The following SLIT3 variants were observed in gnomAD, a reference collection of about 807,000 sequenced individuals.
The protein encoded by SLIT3 is slit guidance ligand 3.
A neutral mutation model predicts 184.0 loss-of-function variants in SLIT3; 68 were observed. The ratio of observed to expected loss-of-function variants is 0.37; its 90% confidence interval spans 0.30 to 0.45. The LOEUF (loss-of-function observed/expected upper bound fraction) is 0.45, where lower values mean the gene tolerates loss of function less well. SLIT3 is among the 20% of genes least tolerant of loss of function. The probability of loss-of-function intolerance (pLI) is 1.00; values close to 1 mark genes in which losing one functional copy is unlikely to be tolerated. For synonymous variants in SLIT3, 831 were observed against 828.6 expected, an observed-to-expected ratio of 1.00 and a Z score of -0.05; for missense variants, 1,707 against 2,026.0, an observed-to-expected ratio of 0.84 and a Z score of 3.02.
chr5:168,681,771 T>C (rs1335389672), intron 32 of SLIT3, among the ~76,000 whole-genome samples: 5 of 152,214 alleles, frequency 3.3e-5, no homozygotes, highest in South Asian at 4.1e-4. Flanking sequence ...CTGGGCTCTG[T>C]TTGGGAAGGC....
intron 5 of SLIT3, among the ~76,000 whole-genome samples, chr5:168,856,521 T>C (rs2074088797): frequency 6.6e-6 from 1 of 152,190 alleles, no homozygotes; most frequent in Non-Finnish European, 1.5e-5. Context: ...CCAGCTTGCT[T>C]TGGGGGTACT....
chr5:168,764,566 A>ATC (rs1581055532), intron 14 of SLIT3, among the ~76,000 whole-genome samples: 1 of 152,098 alleles, frequency 6.6e-6, no homozygotes, highest in East Asian at 1.9e-4. Context: ...AAGGACGCAG[A>ATC]TCTCTCCCAC....
At chr5:168,869,566 T>G (rs956298536) in intron 5 of SLIT3, among the ~76,000 whole-genome samples, 3 of 152,232 alleles carry the variant, frequency 2.0e-5, no homozygotes, top group African/African-American at 7.2e-5. Context: ...TTGGTGTACA[T>G]GTCGGCAGTG....
intron 33 of SLIT3, 129 bp downstream of exon 33, chr5:168,673,048 T>C: frequency 2.4e-6 from 2 of 841,520 alleles, no homozygotes; most frequent in Non-Finnish European, 3.9e-6. Flanking sequence ...ATTCACCTTT[T>C]AGAGATCAGC....
intron 4 of SLIT3, among the ~76,000 whole-genome samples, chr5:169,180,880 G>A (rs956884284): frequency 6.6e-6 from 1 of 152,184 alleles, no homozygotes; most frequent in Non-Finnish European, 1.5e-5. Context: ...TTGAGAACTG[G>A]TGGTTGGCAA....
intron 4 of SLIT3, among the ~76,000 whole-genome samples, chr5:168,955,202 T>C (rs12153398): frequency 0.038 from 5,864 of 152,312 alleles, 161 homozygotes; most frequent in Middle Eastern, 0.061. Flanking sequence ...TTGTCAATGG[T>C]GGTCTGAATG....
intron 6 of SLIT3, among the ~76,000 whole-genome samples, chr5:168,824,592 G>A (rs1757639654): frequency 6.6e-6 from 1 of 152,188 alleles, no homozygotes; most frequent in South Asian, 2.1e-4. Context: ...CAGGTGGAGA[G>A]ACATAATATG....
Position 168,789,598 on chromosome 5 carries a change from A to G in SLIT3, c.1041T>C (p.Ala347=), listed in dbSNP as rs1756283626. 3 of 1,613,546 alleles carry G rather than the reference A, an allele frequency of 1.9e-6. No homozygotes were observed. Among genetic ancestry groups the G allele is most frequent in the African/African-American group, 1.3e-5 (1 of 74,856 alleles). The change falls in exon 11 of 36, where the codon GCT becomes GCC. Residue 347 remains alanine, a synonymous_variant. Transcript: ENST00000519560. ...DISKNQISDI[A]PDAFQGLKSL... is the part of the protein sequence containing the mutation. ...ATTTCAGGCCCTGGAAGGCATCTGG[A>G]GCAATATCCGATATCTGATTCTTGC...
chr5:168,737,993 A>G (rs890047699), intron 20 of SLIT3, among the ~76,000 whole-genome samples: 3 of 152,162 alleles, frequency 2.0e-5, no homozygotes, highest in Non-Finnish European at 4.4e-5. Flanking sequence ...CCTGCTTTCC[A>G]TAAGATTCTG....
intron 3 of SLIT3, among the ~76,000 whole-genome samples, chr5:169,195,334 A>G (rs1581041854): frequency 6.6e-6 from 1 of 152,300 alleles, no homozygotes; most frequent in African/African-American, 2.4e-5. Context: ...TGTGATAGAG[A>G]AGCATTGAAG....
intron 4 of SLIT3, among the ~76,000 whole-genome samples, chr5:168,912,453 C>G (rs771743726): frequency 8.5e-5 from 13 of 152,192 alleles, no homozygotes; most frequent in African/African-American, 1.2e-4. Context: ...TTCACCTTCT[C>G]CCAACTTACC....
chr5:169,116,219 A>T (rs539905271), intron 4 of SLIT3, among the ~76,000 whole-genome samples: 1 of 152,284 alleles, frequency 6.6e-6, no homozygotes, highest in East Asian at 1.9e-4. Context: ...GGGCAAAAAA[A>T]TCATTACTGC....
chr5:169,150,772 T>C (rs1762087227), intron 4 of SLIT3, among the ~76,000 whole-genome samples: 1 of 152,174 alleles, frequency 6.6e-6, no homozygotes, highest in Admixed American at 6.5e-5. Context: ...AGAGGTCTTA[T>C]CTACTGGTCT....
chr5:169,003,566 A>G (rs1238741695), intron 4 of SLIT3, among the ~76,000 whole-genome samples: 1 of 152,246 alleles, frequency 6.6e-6, no homozygotes, highest in African/African-American at 2.4e-5. Context: ...ACGTGAACAC[A>G]GGCTCAGGGC....
intron 2 of SLIT3, among the ~76,000 whole-genome samples, chr5:169,250,627 G>C (rs1256548849): frequency 6.6e-6 from 1 of 152,220 alleles, no homozygotes; most frequent in Non-Finnish European, 1.5e-5. Context: ...CAATTTGCCA[G>C]CTAAGATTCC....
Position 168,840,296 on chromosome 5 carries a change from G to A in SLIT3, c.557+4288C>T, listed in dbSNP as rs185443610. On this transcript the variant is annotated intron_variant, in intron 6 of 35. Transcript: ENST00000519560. ...AACGTATTTATTGAACTTCTGACTT[G>A]CTACCTTTAGTCAAGGGACAATGTC... Among the ~76,000 whole-genome samples, 317 of 152,228 alleles carry A rather than the reference G, an allele frequency of 2.1e-3. 1 individual carries two copies. Among genetic ancestry groups the A allele is most frequent in the African/African-American group, 7.4e-3 (306 of 41,530 alleles).
chr5:168,939,243 C>T (rs114203874), intron 4 of SLIT3, among the ~76,000 whole-genome samples: 1,697 of 152,254 alleles, frequency 0.011, 33 homozygotes, highest in African/African-American at 0.039. Flanking sequence ...CAGGTATCAC[C>T]GCTGGGCTCG....
At chr5:168,690,802 C>CAA (rs10665325) in intron 29 of SLIT3, among the ~76,000 whole-genome samples, 129,466 of 152,086 alleles carry the variant, frequency 0.85, 55,405 homozygotes, top group East Asian at 0.93. Context: ...TCTCATTGAG[C>CAA]AACCAGAGCC....
intron 4 of SLIT3, chr5:169,024,294 C>G (rs537592840): frequency 6.6e-5 from 10 of 152,286 alleles, no homozygotes; most frequent in Non-Finnish European, 1.0e-4. Flanking sequence ...TGTGCATGAC[C>G]TGGTAGGCAG....
Sources: allele counts gnomAD v4.1 joint callset (sites outside exome capture counted in the v4.1 genomes callset), GRCh38; gene constraint gnomAD v4.1.1; transcripts MANE v1.5; gene names NCBI Gene and HGNC (gene_info 2026-07-23, HGNC 2026-07-21).